FHIP1A: variants seen among roughly 807,000 people sequenced by gnomAD.
FHIP1A encodes FHF complex subunit HOOK interacting protein 1A.
Under a neutral mutation model 88.6 loss-of-function variants are expected in FHIP1A, and 61 were observed. The observed-to-expected ratio is 0.69, with a 90% confidence interval of 0.56 to 0.85. FHIP1A has a LOEUF of 0.85. Among genes scored for constraint, FHIP1A ranks in the 40% least tolerant of loss-of-function variants. The pLI is 0.00. For synonymous variants in FHIP1A, 478 were observed against 496.0 expected (o/e 0.96, Z 0.48); for missense variants, 1,154 against 1,273.5 (o/e 0.91, Z 1.43).
chr4:151,550,535 A>G (rs1306511373), intron 3 of FHIP1A, among the ~76,000 whole-genome samples: 1 of 152,196 alleles, frequency 6.6e-6, no homozygotes, highest in African/African-American at 2.4e-5. Flanking sequence ...TTAAAGATGG[A>G]ATATTAGAAA....
At chr4:151,536,364 C>T (rs1732068545) in intron 3 of FHIP1A, among the ~76,000 whole-genome samples, 1 of 152,176 alleles carries the variant, frequency 6.6e-6, no homozygotes, top group Non-Finnish European at 1.5e-5. Context: ...GTTTGTATAT[C>T]TACCACCAAA....
chr4:151,561,119 T>C (rs1733155944), intron 3 of FHIP1A, among the ~76,000 whole-genome samples: 1 of 152,146 alleles, frequency 6.6e-6, no homozygotes, highest in African/African-American at 2.4e-5. Context: ...TTAGGTATCT[T>C]GTTACTGTTT....
intron 11 of FHIP1A, among the ~76,000 whole-genome samples, chr4:151,652,798 G>T (rs751367644): frequency 2.0e-5 from 3 of 152,244 alleles, no homozygotes; most frequent in Non-Finnish European, 1.5e-5. Context: ...CTGCCAGCCT[G>T]TGGGGTATGA....
In FHIP1A at chr4:151,646,624, C is replaced by A; in HGVS notation, c.1293C>A (p.Tyr431Ter). 6.4e-7 allele frequency: 1 copy of A among 1,551,604 alleles called. No individual in the cohort carries two copies. Among genetic ancestry groups the A allele is most frequent in the Non-Finnish European group, 8.7e-7 (1 of 1,146,896 alleles). ...QRWAVKERDC[Y>*]SVSAAKLLAL... is the part of the protein sequence containing the mutation. ...GGGCTGTGAAGGAGAGAGACTGTTA[C>A]TCTGTTTCTGCGGCCAAGCTTCTCG... The change falls in exon 10 of 14, where the codon TAC becomes TAA. Residue 431 changes from tyrosine (Y) to a stop codon, truncating the protein, a stop_gained. Coordinates refer to ENST00000435205, the MANE Select transcript of FHIP1A (RefSeq NM_001109977.3). LOFTEE classifies it high-confidence loss of function.
chr4:151,511,119 C>T (rs1056937149), intron 3 of FHIP1A, among the ~76,000 whole-genome samples: 5 of 152,092 alleles, frequency 3.3e-5, no homozygotes, highest in African/African-American at 1.2e-4. Flanking sequence ...TTAGGCTGCT[C>T]CAACTAGACA....
intron 7 of FHIP1A, among the ~76,000 whole-genome samples, chr4:151,622,312 G>A (rs1201351645): frequency 1.3e-5 from 2 of 152,120 alleles, no homozygotes; most frequent in Non-Finnish European, 2.9e-5. Context: ...TACAGCAGGT[G>A]GAATCTCCCT....
chr4:151,497,390 T>G (rs1730500927), intron 3 of FHIP1A, among the ~76,000 whole-genome samples: 3 of 152,180 alleles, frequency 2.0e-5, no homozygotes, highest in South Asian at 4.1e-4. Flanking sequence ...CAGTCACCTG[T>G]TTTTTTATGG....
At chr4:151,481,186 G>A (rs1013357901) in intron 2 of FHIP1A, among the ~76,000 whole-genome samples, 10 of 151,912 alleles carry the variant, frequency 6.6e-5, no homozygotes, top group African/African-American at 2.2e-4. Flanking sequence ...TGCATAAGTA[G>A]TTGTGATCAT....
Position 151,577,840 on chromosome 4 carries a change from CTCAAT to C in FHIP1A, c.497_501del (p.Leu166ProfsTer20). 1 of 1,552,000 alleles carries C rather than the reference CTCAAT, an allele frequency of 6.4e-7. No individual in the cohort carries two copies. Among genetic ancestry groups the C allele is most frequent in the Non-Finnish European group, 8.7e-7 (1 of 1,147,046 alleles). ...TGTGGAGGAGAAGCTGGTTGTCCTA[CTCAAT>C]CAGCTCTGTTCCATTCTTGCCAAAG... On this transcript the variant is annotated frameshift_variant, in exon 5 of 14. Coordinates refer to ENST00000435205, the MANE Select transcript of FHIP1A (RefSeq NM_001109977.3). LOFTEE classifies it high-confidence loss of function.
At chr4:151,489,854 G>GTCCCCACCTGATGTTTTTCCTC (rs1302046384) in intron 3 of FHIP1A, among the ~76,000 whole-genome samples, 3 of 152,010 alleles carry the variant, frequency 2.0e-5, no homozygotes, top group African/African-American at 7.2e-5. Flanking sequence ...GCCTAACCCT[G>GTCCCCACCTGATGTTTTTCCTC]TCCCCACCTG....
At chr4:151,618,678 C>T (rs1735632806) in intron 7 of FHIP1A, among the ~76,000 whole-genome samples, 1 of 152,202 alleles carries the variant, frequency 6.6e-6, no homozygotes, top group Non-Finnish European at 1.5e-5. Context: ...TGTCAACTCA[C>T]TGCGGTAGAT....
chr4:151,566,473 C>T (rs1424168879), intron 4 of FHIP1A, 109 bp downstream of exon 4: 1 of 649,670 alleles, frequency 1.5e-6, no homozygotes. Context: ...TTGCTAGAAA[C>T]ACAGGGAGGG....
intron 11 of FHIP1A, among the ~76,000 whole-genome samples, chr4:151,654,322 C>T (rs957550914): frequency 1.3e-5 from 2 of 151,726 alleles, no homozygotes; most frequent in East Asian, 1.9e-4. Flanking sequence ...AGCTCATGTG[C>T]CCCCCCACCT....
intron 3 of FHIP1A, among the ~76,000 whole-genome samples, chr4:151,511,667 A>G (rs933733161): frequency 3.3e-5 from 5 of 152,242 alleles, no homozygotes; most frequent in Non-Finnish European, 5.9e-5. Context: ...CTACACCCAC[A>G]GAGTCTCGCT....
chr4:151,625,024 C>T (rs563686109), intron 7 of FHIP1A, among the ~76,000 whole-genome samples: 1 of 152,294 alleles, frequency 6.6e-6, no homozygotes, highest in East Asian at 1.9e-4. Flanking sequence ...GCCTTTCCAG[C>T]TGCTGCCCTT....
intron 3 of FHIP1A, among the ~76,000 whole-genome samples, chr4:151,564,931 C>CT (rs1288677596): frequency 2.6e-5 from 4 of 152,112 alleles, no homozygotes; most frequent in Non-Finnish European, 4.4e-5. Flanking sequence ...TTTCCAGTGT[C>CT]TAATTCTACT....
At chr4:151,440,979 A>G (rs1453115253) in intron 1 of FHIP1A, among the ~76,000 whole-genome samples, 2 of 152,058 alleles carry the variant, frequency 1.3e-5, no homozygotes, top group Non-Finnish European at 2.9e-5. Flanking sequence ...TCTGTTCACT[A>G]GGCTGTTTTT....
rs1737596693 is a variant in FHIP1A at position 151,664,627 on chromosome 4, C to G, written c.*1873C>G. Among the ~76,000 whole-genome samples, 1 of 152,210 alleles carries G rather than the reference C, an allele frequency of 6.6e-6. No individual in the cohort carries two copies. The highest frequency in any genetic ancestry group is 2.4e-5 in the African/African-American group (1 of 41,452). ...TGTCTGGTTGTATTTGCACAGCCCA[C>G]AACTCTCCATTAGAAAAGAAGGTAG... On this transcript the variant is annotated 3_prime_UTR_variant, in exon 14 of 14. Coordinates refer to ENST00000435205, the MANE Select transcript of FHIP1A (RefSeq NM_001109977.3).
At chr4:151,588,984 G>C in intron 7 of FHIP1A, 58 bp downstream of exon 7, 1 of 1,104,386 alleles carries the variant, frequency 9.1e-7, no homozygotes, top group Non-Finnish European at 1.4e-6. Flanking sequence ...GGACACTGAG[G>C]AGGGTAAACA....
Sources: allele counts gnomAD v4.1 joint callset (sites outside exome capture counted in the v4.1 genomes callset), GRCh38; gene constraint gnomAD v4.1.1; transcripts MANE v1.5; gene names NCBI Gene and HGNC (gene_info 2026-07-23, HGNC 2026-07-21).